The following CAPN2 variants were observed in gnomAD, a reference collection of about 807,000 sequenced individuals.
CAPN2 encodes calpain-2 catalytic subunit.
A neutral mutation model predicts 102.3 loss-of-function variants in CAPN2; 92 were observed. The ratio of observed to expected loss-of-function variants is 0.90; its 90% CI spans 0.76 to 1.07. The LOEUF (loss-of-function observed/expected upper bound fraction) is 1.07, where lower values mean the gene tolerates loss of function less well. Among genes scored for constraint, CAPN2 ranks in the 50% least tolerant of loss-of-function variants. CAPN2 has a pLI of 0.00. For missense variants in CAPN2, 800 were observed against 909.4 expected (o/e 0.88, Z 1.55); for synonymous variants, 340 against 355.4 (o/e 0.96, Z 0.49).
At chr1:223,740,241 CT>C (rs1215387985) in intron 2 of CAPN2, among the ~76,000 whole-genome samples, 5 of 152,166 alleles carry the variant, frequency 3.3e-5, no homozygotes, top group African/African-American at 7.2e-5. Context: ...TGAGTCACCT[CT>C]GTTTGAAATG....
chr1:223,722,537 T>C (rs61823979), intron 2 of CAPN2, among the ~76,000 whole-genome samples: 15,692 of 152,076 alleles, frequency 0.1, 950 homozygotes, highest in African/African-American at 0.16. Flanking sequence ...GCAATCCTTC[T>C]GCCTTATCCT....
rs1457445037 is a variant in CAPN2 at position 223,725,347 on chromosome 1, C to T, written c.307+7516C>T. Among the ~76,000 whole-genome samples, 1 of 151,630 alleles carries T rather than the reference C, an allele frequency of 6.6e-6. No homozygotes were observed. Among genetic ancestry groups the T allele is most frequent in the Non-Finnish European group, 1.5e-5 (1 of 67,980 alleles). On this transcript the variant is annotated intron_variant, in intron 2 of 20. Coordinates refer to ENST00000295006, the MANE Select transcript of CAPN2 (RefSeq NM_001748.5). The surrounding 1 kb of genome is among the most constrained non-coding windows in gnomAD (Gnocchi z 4.1). ...GCAGTGAGCCATGATCGCACCACTG[C>T]ACTCCATCCTGGGCAATAGAGCGAG...
chr1:223,728,720 G>A (rs1660259683), intron 2 of CAPN2, among the ~76,000 whole-genome samples: 1 of 152,194 alleles, frequency 6.6e-6, no homozygotes, highest in Non-Finnish European at 1.5e-5. Context: ...ATGGTTTGCG[G>A]GGTGGGGAGG....
chr1:223,762,226 G>A lies in CAPN2; in HGVS notation c.1607G>A (p.Arg536Lys), dbSNP rs1414085462. 6.2e-7 allele frequency: 1 copy of A among 1,613,912 alleles called. No individual in the cohort carries two copies. Among genetic ancestry groups the A allele is most frequent in the Non-Finnish European group, 8.5e-7 (1 of 1,179,906 alleles). ...SEDDIDDGFR[R>K]LFAQLAGEDA... ...GATGACATTGATGATGGATTCAGGA[G>A]ACTGTTTGCCCAGTTGGCAGGAGAG... The change falls in exon 14 of 21, where the codon AGA becomes AAA. Residue 536 changes from arginine (R) to lysine (K), a missense_variant. Transcript: ENST00000295006.
At chr1:223,767,420 A>G (rs1661366422) in intron 16 of CAPN2, among the ~76,000 whole-genome samples, 2 of 132,942 alleles carry the variant, frequency 1.5e-5, no homozygotes, top group South Asian at 2.4e-4. Flanking sequence ...ATTCCCACCT[A>G]TGAGTGAGAA....
intron 1 of CAPN2, among the ~76,000 whole-genome samples, chr1:223,703,459 A>G (rs1018067379): frequency 2.6e-5 from 4 of 152,122 alleles, no homozygotes; most frequent in African/African-American, 9.7e-5. Context: ...TGTTCTCTCC[A>G]GGCTGCTCCA....
At chr1:223,719,967 G>A (rs1660007427) in intron 2 of CAPN2, among the ~76,000 whole-genome samples, 1 of 152,180 alleles carries the variant, frequency 6.6e-6, no homozygotes, top group Non-Finnish European at 1.5e-5. Context: ...TGGCCAGCGG[G>A]TGCTGATGGG....
chr1:223,771,524 G>T, intron 18 of CAPN2: 1 of 345,766 alleles, frequency 2.9e-6, no homozygotes, highest in Non-Finnish European at 5.3e-6. Context: ...CAGCAGCATG[G>T]TTAACAACAT....
intron 2 of CAPN2, among the ~76,000 whole-genome samples, chr1:223,743,377 G>T (rs1660673328): frequency 6.6e-6 from 1 of 152,152 alleles, no homozygotes; most frequent in African/African-American, 2.4e-5. Context: ...TGTACTCCCT[G>T]CCAGAGCCTC....
chr1:223,705,116 C>T (rs1659574230), intron 1 of CAPN2, among the ~76,000 whole-genome samples: 1 of 152,220 alleles, frequency 6.6e-6, no homozygotes, highest in Non-Finnish European at 1.5e-5. Context: ...CCAGTGTCGG[C>T]ACTACAGTGG....
chr1:223,755,650 G>T lies in CAPN2; in HGVS notation c.1305+1G>T. 1 of 1,583,652 alleles carries T rather than the reference G, an allele frequency of 6.3e-7. No individual in the cohort carries two copies. The highest frequency in any genetic ancestry group is 2.1e-4 in the Middle Eastern group (1 of 4,684). On this transcript the variant is annotated splice_donor_variant, in intron 10 of 20. Transcript: ENST00000295006. LOFTEE classifies it high-confidence loss of function. This position sits in a 1 kb window ranked among gnomAD's most constrained non-coding sequence, Gnocchi z 4.1. The stretch of plus-strand genomic sequence containing the variant: ...CACCATCGGCTTTGGCATCTATGAG[G>T]TGCAGAGCGCAGGGGCTCCTGCCCT...
intron 16 of CAPN2, among the ~76,000 whole-genome samples, chr1:223,767,960 ATG>A (rs1661378911): frequency 6.7e-6 from 1 of 149,904 alleles, no homozygotes; most frequent in Admixed American, 6.6e-5. Context: ...GCATTTTTTC[ATG>A]TGTTTTTTGG....
rs1661428786 is a variant in CAPN2 at position 223,769,912 on chromosome 1, A to G, written c.1824+3A>G. On this transcript the variant is annotated splice_donor_region_variant and intron_variant, in intron 17 of 20. Coordinates refer to ENST00000295006, the MANE Select transcript of CAPN2 (RefSeq NM_001748.5). ...GGACGAAGATTCAAAAATACCAAGT[A>G]AGATCCCAGAGATGCGGGTGGATCT... The G allele has an allele frequency of 6.3e-7, 1 of 1,591,882 alleles. No homozygotes were observed. The highest frequency in any genetic ancestry group is 2.3e-5 in the East Asian group (1 of 43,982).
intron 2 of CAPN2, among the ~76,000 whole-genome samples, chr1:223,742,633 C>T (rs1026266248): frequency 4.6e-5 from 7 of 151,302 alleles, no homozygotes; most frequent in African/African-American, 1.5e-4. Context: ...AGTCCTCCCA[C>T]CTCAGCCTCC....
Position 223,726,654 on chromosome 1 carries a change from A to G in CAPN2, c.307+8823A>G, listed in dbSNP as rs963259382. 1.3e-5 allele frequency among the ~76,000 whole-genome samples: 2 copies of G among 152,170 alleles called. No individual in the cohort carries two copies. Among genetic ancestry groups the G allele is most frequent in the Non-Finnish European group, 2.9e-5 (2 of 68,036 alleles). On this transcript the variant is annotated intron_variant, in intron 2 of 20. Coordinates refer to ENST00000295006, the MANE Select transcript of CAPN2 (RefSeq NM_001748.5). The surrounding 1 kb of genome is among the most constrained non-coding windows in gnomAD (Gnocchi z 4.4). Reference sequence around the variant, plus strand: ...AGGCCTGGGACACGTGGTTTGGATCACTGGCTGTGGCTCACAGTTCTGATG... The same window carrying G: ...AGGCCTGGGACACGTGGTTTGGATCGCTGGCTGTGGCTCACAGTTCTGATG...
chr1:223,737,324 C>T (rs1660479034), intron 2 of CAPN2, among the ~76,000 whole-genome samples: 1 of 152,204 alleles, frequency 6.6e-6, no homozygotes, highest in Non-Finnish European at 1.5e-5. Flanking sequence ...GCCGGTCTGT[C>T]AAGCCCGTGG....
intron 15 of CAPN2, 148 bp downstream of exon 15, chr1:223,764,355 G>A: frequency 1.5e-6 from 1 of 681,008 alleles, no homozygotes; most frequent in Non-Finnish European, 2.7e-6. Context: ...GGATTTGTAT[G>A]ATGTGATGAA....
At chr1:223,751,018 T>C (rs368195822) in intron 7 of CAPN2, 43 bp downstream of exon 7, 38 of 1,454,410 alleles carry the variant, frequency 2.6e-5, no homozygotes, top group Non-Finnish European at 3.5e-5. Flanking sequence ...GGGGGTGCAT[T>C]GTGCTGGGAG....
chr1:223,733,147 A>G (rs771743079), intron 2 of CAPN2, among the ~76,000 whole-genome samples: 31 of 152,090 alleles, frequency 2.0e-4, no homozygotes, highest in Non-Finnish European at 5.9e-5. Flanking sequence ...CCTCTGCACT[A>G]TAGTGTGACA....
Sources: gnomAD v4.1 joint callset for allele counts (sites outside exome capture counted in the v4.1 genomes callset) on GRCh38, gnomAD v4.1.1 for gene constraint, Gnocchi (gnomAD v3.1) non-coding constraint, MANE v1.5 for transcripts, NCBI Gene and HGNC (gene_info 2026-07-23, HGNC 2026-07-21) for gene names.